The following DNAH5 variants were observed in gnomAD, a reference collection of about 807,000 sequenced individuals.
DNAH5 encodes dynein axonemal heavy chain 5.
In DNAH5, 372 loss-of-function variants were observed where a neutral mutation model predicts 518.2. The ratio of observed to expected loss-of-function variants is 0.72; its 90% CI spans 0.66 to 0.78. The LOEUF is 0.78. Among genes scored for constraint, DNAH5 ranks in the 30% least tolerant of loss-of-function variants. The pLI is 0.00. For missense variants in DNAH5, 5,523 were observed against 5,687.0 expected, an observed-to-expected ratio of 0.97 and a Z score of 0.93; for synonymous variants, 2,039 against 2,025.9, an observed-to-expected ratio of 1.01 and a Z score of -0.17.
intron 1 of DNAH5, among the ~76,000 whole-genome samples, chr5:13,936,113 C>T (rs1223089438): frequency 3.9e-5 from 6 of 152,194 alleles, no homozygotes; most frequent in Non-Finnish European, 7.4e-5. Context: ...CAATCCTCCA[C>T]AGACAAAGGA....
At chr5:13,985,372 A>G (rs369534397) in intron 1 of DNAH5, among the ~76,000 whole-genome samples, 3 of 151,010 alleles carry the variant, frequency 2.0e-5, no homozygotes, top group East Asian at 3.9e-4. Context: ...GCATGTGTAT[A>G]CATATGTAAA....
At chr5:13,698,699 A>G (rs1324457370) in intron 78 of DNAH5, among the ~76,000 whole-genome samples, 1 of 152,202 alleles carries the variant, frequency 6.6e-6, no homozygotes, top group South Asian at 2.1e-4. Flanking sequence ...AATAGGAAAA[A>G]GTACCCCCCA....
At position 13,830,021 on chromosome 5, in the gene DNAH5, C is replaced by T; in HGVS notation, c.6249+5G>A. 1.2e-6 allele frequency: 2 copies of T among 1,612,206 alleles called. No homozygotes were observed. The highest frequency in any genetic ancestry group is 1.7e-6 in the Non-Finnish European group (2 of 1,178,938). On this transcript the variant is annotated splice_donor_5th_base_variant and intron_variant, in intron 37 of 78. Transcript: ENST00000265104. ...AATTCAGTAGCTTTTCTAGCAGCTCCTTACCATGGTTAAGAAAAGCCCAAA... is the reference window on the plus strand; with the variant it reads ...AATTCAGTAGCTTTTCTAGCAGCTCTTTACCATGGTTAAGAAAAGCCCAAA...
intron 1 of DNAH5, among the ~76,000 whole-genome samples, chr5:13,958,191 T>C (rs1780899765): frequency 6.6e-6 from 1 of 152,040 alleles, no homozygotes; most frequent in South Asian, 2.1e-4. Context: ...AAATCCTTGG[T>C]ATAAATCTCT....
chr5:13,847,383 T>C (rs2151876234), intron 31 of DNAH5, among the ~76,000 whole-genome samples: 1 of 151,558 alleles, frequency 6.6e-6, no homozygotes, highest in South Asian at 2.1e-4. Context: ...TGCCAAAATG[T>C]TGGGTGACAG....
intron 6 of DNAH5, 49 bp from the exon 7 acceptor site, chr5:13,919,401 G>A (rs766451464): frequency 8.0e-5 from 128 of 1,599,954 alleles, no homozygotes; most frequent in Non-Finnish European, 1.0e-4. Flanking sequence ...GGCTGGAGAC[G>A]CTAAAGTTAT....
At chr5:13,945,395 G>C (rs76996429), upstream of DNAH5, among the ~76,000 whole-genome samples, 1,406 of 152,278 alleles carry the variant, frequency 9.2e-3, 24 homozygotes, top group African/African-American at 0.033. Context: ...AACTCATCCT[G>C]GTAACATCCT....
At chr5:13,709,245 A>G (rs6862566) in intron 75 of DNAH5, among the ~76,000 whole-genome samples, 63,415 of 152,034 alleles carry the variant, frequency 0.42, 13,416 homozygotes, top group Middle Eastern at 0.49. Context: ...TGAAAATGAG[A>G]TACAAAAGGG....
Position 13,921,162 on chromosome 5 carries a change from TCA to T in DNAH5, c.661-547_661-546del, listed in dbSNP as rs149861978. On this transcript the variant is annotated intron_variant, in intron 5 of 78. Coordinates refer to ENST00000265104, the MANE Select transcript of DNAH5 (RefSeq NM_001369.3). ...AACCTGCAATTTGGTCTGCCCTCCA[TCA>T]CAGTCAATCACAAATATAATTTGGG... Among the ~76,000 whole-genome samples the T allele has an allele frequency of 6.1e-3, 933 of 152,252 alleles. 10 individuals carry two copies. Among genetic ancestry groups the T allele is most frequent in the African/African-American group, 0.022 (896 of 41,548 alleles).
At chr5:13,754,779 C>T (rs1464244051) in intron 61 of DNAH5, among the ~76,000 whole-genome samples, 3 of 151,548 alleles carry the variant, frequency 2.0e-5, no homozygotes, top group African/African-American at 7.3e-5. Flanking sequence ...CTCAGGTGAT[C>T]CGCCAACCTA....
At chr5:13,979,374 G>A (rs1782506914) in intron 1 of DNAH5, among the ~76,000 whole-genome samples, 1 of 152,120 alleles carries the variant, frequency 6.6e-6, no homozygotes, top group African/African-American at 2.4e-5. Flanking sequence ...AAATGTGTTG[G>A]TTTAATGTTA....
At chr5:13,791,964 A>T in intron 50 of DNAH5, 30 bp downstream of exon 50, 1 of 1,532,868 alleles carries the variant, frequency 6.5e-7, no homozygotes, top group Non-Finnish European at 9.0e-7. Flanking sequence ...TAGCAATGTT[A>T]TTTGTTTTTC....
chr5:13,795,457 G>A (rs1757677237), intron 47 of DNAH5, among the ~76,000 whole-genome samples: 2 of 152,130 alleles, frequency 1.3e-5, no homozygotes, highest in South Asian at 4.2e-4. Context: ...TAGAAGAAAT[G>A]GATAAATTCC....
chr5:13,862,360 T>C (rs1768575139), intron 29 of DNAH5, among the ~76,000 whole-genome samples, 188 bp downstream of exon 29: 1 of 152,198 alleles, frequency 6.6e-6, no homozygotes, highest in Non-Finnish European at 1.5e-5. Flanking sequence ...ATGATGTATA[T>C]ATAAGTGGGT....
At chr5:13,694,885 T>G (rs887629369) in intron 78 of DNAH5, among the ~76,000 whole-genome samples, 3 of 152,226 alleles carry the variant, frequency 2.0e-5, no homozygotes, top group Admixed American at 6.5e-5. Flanking sequence ...TATTATATGC[T>G]TCCTATGTAC....
intron 70 of DNAH5, among the ~76,000 whole-genome samples, chr5:13,724,888 C>T (rs567449465): frequency 5.5e-4 from 84 of 152,352 alleles, no homozygotes; most frequent in African/African-American, 1.5e-3. Context: ...CCCCATGCTT[C>T]CTGTACAACC....
At chr5:13,994,555 C>T (rs767537266) in intron 1 of DNAH5, among the ~76,000 whole-genome samples, 1 of 152,170 alleles carries the variant, frequency 6.6e-6, no homozygotes, top group Non-Finnish European at 1.5e-5. Flanking sequence ...TAAACCCTGA[C>T]ACAACTACTT....
chr5:13,999,645 T>C (rs952322926), intron 1 of DNAH5, among the ~76,000 whole-genome samples: 38 of 152,354 alleles, frequency 2.5e-4, no homozygotes, highest in African/African-American at 8.7e-4. Flanking sequence ...ACTGCTGCAA[T>C]AAACACGAGA....
At chr5:13,704,000 C>A (rs888391004) in intron 76 of DNAH5, among the ~76,000 whole-genome samples, 10 of 152,194 alleles carry the variant, frequency 6.6e-5, no homozygotes, top group African/African-American at 2.4e-4. Context: ...TCAGAGGCCA[C>A]ATGCTCCAGG....
Sources: allele counts gnomAD v4.1 joint callset (sites outside exome capture counted in the v4.1 genomes callset), GRCh38; gene constraint gnomAD v4.1.1; transcripts MANE v1.5; gene names NCBI Gene and HGNC (gene_info 2026-07-23, HGNC 2026-07-21).